The following LRRK2 variants were observed in gnomAD, a reference collection of about 807,000 sequenced individuals.
LRRK2 encodes leucine rich repeat kinase 2, also known as leucine-rich repeat serine/threonine-protein kinase 2.
A neutral mutation model predicts 302.6 loss-of-function variants in LRRK2; 203 were observed. The ratio of observed to expected loss-of-function variants is 0.67; its 90% CI spans 0.60 to 0.75. LRRK2 has a LOEUF of 0.75. LRRK2 is among the 30% of genes least tolerant of loss of function. The pLI is 0.00. For synonymous variants in LRRK2, 1,066 were observed against 1,031.9 expected (o/e 1.03, Z -0.63); for missense variants, 2,830 against 2,951.0 (o/e 0.96, Z 0.95).
chr12:40,267,240 G>A (rs1300181090), intron 14 of LRRK2, among the ~76,000 whole-genome samples: 1 of 152,178 alleles, frequency 6.6e-6, no homozygotes, highest in East Asian at 1.9e-4. Context: ...TATATTGACA[G>A]TAAGATTGCC....
intron 7 of LRRK2, 92 bp downstream of exon 7, chr12:40,243,773 A>G: frequency 8.4e-7 from 1 of 1,184,128 alleles, no homozygotes; most frequent in Admixed American, 1.9e-5. Context: ...GATAAGTAGC[A>G]TATTGACATA....
intron 18 of LRRK2, 85 bp downstream of exon 18, chr12:40,278,346 A>G: frequency 6.8e-7 from 1 of 1,481,388 alleles, no homozygotes; most frequent in Non-Finnish European, 9.4e-7. Context: ...TCTTACTTAT[A>G]TCATATTATT....
rs564092515 is a variant in LRRK2 at position 40,343,504 on chromosome 12, T to C, written c.6109+3050T>C. On this transcript the variant is annotated intron_variant, in intron 41 of 50. Coordinates refer to ENST00000298910, the MANE Select transcript of LRRK2 (RefSeq NM_198578.4). ...TACTCTACTCATACTTCTCTGAAAG[T>C]AAAAAATAAAAGATATGTTTCAGTA... is the stretch of plus-strand genomic sequence containing the variant. Among the ~76,000 whole-genome samples, 29 of 152,322 alleles carry C rather than the reference T, an allele frequency of 1.9e-4. 1 individual carries two copies. Among genetic ancestry groups the C allele is most frequent in the African/African-American group, 6.5e-4 (27 of 41,578 alleles).
At chr12:40,279,002 G>A (rs1817973825) in intron 18 of LRRK2, among the ~76,000 whole-genome samples, 1 of 151,580 alleles carries the variant, frequency 6.6e-6, no homozygotes, top group South Asian at 2.1e-4. Context: ...AGAATATCGA[G>A]CTCATTGCTT....
intron 35 of LRRK2, 70 bp downstream of exon 35, chr12:40,321,258 A>G: frequency 7.1e-7 from 1 of 1,410,040 alleles, no homozygotes; most frequent in Non-Finnish European, 9.8e-7. Context: ...TTTTAGAGAA[A>G]TTAGGGAGAT....
At chr12:40,256,276 C>T (rs1942498269) in intron 11 of LRRK2, among the ~76,000 whole-genome samples, 1 of 152,176 alleles carries the variant, frequency 6.6e-6, no homozygotes, top group Admixed American at 6.5e-5. Flanking sequence ...GTGAGATCCC[C>T]TCTCTACAAA....
intron 46 of LRRK2, among the ~76,000 whole-genome samples, chr12:40,357,200 T>TG (rs1306950315): frequency 6.6e-6 from 1 of 152,228 alleles, no homozygotes; most frequent in Admixed American, 6.5e-5. Context: ...TTTGTCTTTC[T>TG]GTGCTTGGCT....
intron 39 of LRRK2, among the ~76,000 whole-genome samples, chr12:40,331,538 C>G (rs923449719): frequency 6.6e-6 from 1 of 151,884 alleles, no homozygotes; most frequent in Non-Finnish European, 1.5e-5. Context: ...GAAGAATTGC[C>G]TTGGGCCATA....
chr12:40,359,158 C>A, intron 46 of LRRK2, 102 bp from the exon 47 acceptor site: 1 of 963,586 alleles, frequency 1.0e-6, no homozygotes. Context: ...TATCTCTAAT[C>A]ATTTAAGATG....
At chr12:40,252,765 A>G in intron 10 of LRRK2, 145 bp from the exon 11 acceptor site, 2 of 640,592 alleles carry the variant, frequency 3.1e-6, no homozygotes, top group East Asian at 2.8e-5. Flanking sequence ...AAAATGAACT[A>G]TAATTCACTC....
chr12:40,265,922 A>G (rs919673137), intron 14 of LRRK2, among the ~76,000 whole-genome samples: 10 of 152,236 alleles, frequency 6.6e-5, no homozygotes, highest in South Asian at 2.1e-4. Context: ...TATTTAATAA[A>G]TGGTGCTGGG....
At chr12:40,265,969 A>T (rs1942992847) in intron 14 of LRRK2, among the ~76,000 whole-genome samples, 1 of 152,194 alleles carries the variant, frequency 6.6e-6, no homozygotes, top group South Asian at 2.1e-4. Flanking sequence ...CTGAAACTGG[A>T]TCCCTTCCTT....
intron 46 of LRRK2, among the ~76,000 whole-genome samples, chr12:40,357,869 C>T (rs1220312800): frequency 6.6e-6 from 1 of 152,160 alleles, no homozygotes; most frequent in African/African-American, 2.4e-5. Context: ...ACCTTCTGCA[C>T]TCAAGTGATC....
chr12:40,346,071 C>A (rs1467626199), intron 41 of LRRK2, among the ~76,000 whole-genome samples: 1 of 152,070 alleles, frequency 6.6e-6, no homozygotes, highest in Non-Finnish European at 1.5e-5. Context: ...ATTATTATCA[C>A]AAATGTTGAA....
Position 40,364,917 on chromosome 12 carries a change from T to A in LRRK2, c.7257T>A (p.Leu2419=). ...SYSGRVKTLC[L]QKNTALWIGT... is the part of the protein sequence containing the mutation. Reference sequence around the variant, plus strand: ...CTGGGAGAGTGAAAACCCTCTGCCTTCAGAAGAACACTGCTCTTTGGATAG... The same window carrying A: ...CTGGGAGAGTGAAAACCCTCTGCCTACAGAAGAACACTGCTCTTTGGATAG... The change falls in exon 49 of 51, where the codon CTT becomes CTA. Residue 2419 remains leucine (L), a synonymous_variant. Coordinates refer to ENST00000298910, the MANE Select transcript of LRRK2 (RefSeq NM_198578.4). 1 of 1,612,582 alleles carries A rather than the reference T, an allele frequency of 6.2e-7. No homozygotes were observed.
chr12:40,309,095 T>A lies in LRRK2; in HGVS notation c.4190-11T>A. ...AAAGATTAAAAAAATTTGTCTCTAA[T>A]CTTTATTTAGGTCGTGAGGAATTCT... On this transcript the variant is annotated splice_polypyrimidine_tract_variant and intron_variant, in intron 29 of 50. Transcript: ENST00000298910. The A allele has an allele frequency of 6.2e-7, 1 of 1,613,144 alleles. No homozygotes were observed. The highest frequency in any genetic ancestry group is 8.5e-7 in the Non-Finnish European group (1 of 1,179,592).
In LRRK2 at chr12:40,253,136, ATC is replaced by A. The variant is rs1457965510; in HGVS notation, c.1288+124_1288+125del. The stretch of plus-strand genomic sequence containing the variant: ...TATAAAGCTATATATTGTGAAAGAT[ATC>A]TCTATGTGTAGAGATGTATTGACAT... On this transcript the variant is annotated intron_variant, in intron 11 of 50. Coordinates refer to ENST00000298910, the MANE Select transcript of LRRK2 (RefSeq NM_198578.4). The A allele has an allele frequency of 8.9e-6, 6 of 676,690 alleles. No individual in the cohort carries two copies. The South Asian group carries it at 1.0e-4, about 11-fold the overall frequency. 41.9% of individuals were successfully genotyped at this position (676,690 alleles called of 1,614,324 possible). A position where few individuals can be genotyped will look rare whatever the true frequency, so the allele number is the denominator to read the frequency against.
At chr12:40,360,741 A>G (rs1946679259) in intron 47 of LRRK2, among the ~76,000 whole-genome samples, 1 of 152,098 alleles carries the variant, frequency 6.6e-6, no homozygotes, top group Admixed American at 6.6e-5. Context: ...GTCTAGATTC[A>G]TATTTTGCAA....
At chr12:40,346,726 T>G in intron 41 of LRRK2, 27 bp from the exon 42 acceptor site, 1 of 1,610,466 alleles carries the variant, frequency 6.2e-7, no homozygotes, top group Non-Finnish European at 8.5e-7. Flanking sequence ...GTTGGTCATA[T>G]TTATTATTTT....
Sources: allele counts gnomAD v4.1 joint callset (sites outside exome capture counted in the v4.1 genomes callset), GRCh38; gene constraint gnomAD v4.1.1; transcripts MANE v1.5; gene names NCBI Gene and HGNC (gene_info 2026-07-23, HGNC 2026-07-21).